The following SOHLH2 variants were observed in gnomAD, a reference collection of about 807,000 sequenced individuals.
The protein encoded by SOHLH2 is spermatogenesis- and oogenesis-specific basic helix-loop-helix-containing protein 2.
A neutral mutation model predicts 50.4 loss-of-function variants in SOHLH2; 22 were observed. The observed-to-expected ratio is 0.44, with a 90% CI of 0.31 to 0.62. The LOEUF (loss-of-function observed/expected upper bound fraction) is 0.62, where lower values mean the gene tolerates loss of function less well. Ranked by LOEUF, SOHLH2 falls within the 20% of genes least tolerant of loss-of-function variation. The pLI, the probability that SOHLH2 is intolerant of heterozygous loss-of-function variation, is 0.08. For synonymous variants in SOHLH2, 185 were observed against 187.3 expected (o/e 0.99, Z 0.10); for missense variants, 412 against 504.4 (o/e 0.82, Z 1.76).
chr13:36,196,101 TAGA>T (rs1887716879), intron 2 of SOHLH2, among the ~76,000 whole-genome samples: 1 of 70,486 alleles, frequency 1.4e-5, no homozygotes, highest in Non-Finnish European at 3.2e-5. Context: ...GACAGAAAGA[TAGA>T]TAGATAGATA....
At chr13:36,191,977 T>C in intron 4 of SOHLH2, 83 bp from the exon 5 acceptor site, 2 of 1,410,850 alleles carry the variant, frequency 1.4e-6, no homozygotes, top group African/African-American at 1.4e-5. Flanking sequence ...CCCCAATCCT[T>C]AATGCAGTTG....
chr13:36,205,229 T>C (rs937785564), intron 1 of SOHLH2, among the ~76,000 whole-genome samples: 11 of 152,182 alleles, frequency 7.2e-5, no homozygotes, highest in African/African-American at 2.7e-4. Flanking sequence ...AATTACACTT[T>C]TTTTCTCTAT....
At chr13:36,180,380 C>G (rs530580322) in intron 6 of SOHLH2, among the ~76,000 whole-genome samples, 3 of 152,160 alleles carry the variant, frequency 2.0e-5, no homozygotes, top group African/African-American at 7.2e-5. Flanking sequence ...AGGCCTTTTG[C>G]CTTATCTAAT....
chr13:36,169,213 T>C (rs1273653511), intron 10 of SOHLH2, among the ~76,000 whole-genome samples, 159 bp from the exon 11 acceptor site: 1 of 152,206 alleles, frequency 6.6e-6, no homozygotes, highest in African/African-American at 2.4e-5. Context: ...TAAATATATA[T>C]TCTTATTAAA....
intron 5 of SOHLH2, 44 bp from the exon 6 acceptor site, chr13:36,190,100 T>C (rs761723586): frequency 1.3e-6 from 2 of 1,553,400 alleles, no homozygotes; most frequent in Non-Finnish European, 8.7e-7. Context: ...AGGGGAAAAT[T>C]GTCGGGCAAA....
chr13:36,212,938 T>C (rs552669153), intron 1 of SOHLH2, among the ~76,000 whole-genome samples: 1 of 152,238 alleles, frequency 6.6e-6, no homozygotes, highest in Non-Finnish European at 1.5e-5. Flanking sequence ...AAACCCTTAA[T>C]TAGTAACAGC....
chr13:36,201,650 G>A (rs754798320), intron 2 of SOHLH2, among the ~76,000 whole-genome samples: 5 of 152,002 alleles, frequency 3.3e-5, no homozygotes, highest in African/African-American at 4.8e-5. Context: ...AAAATTTTTT[G>A]TAGAGACAGA....
intron 1 of SOHLH2, among the ~76,000 whole-genome samples, chr13:36,213,375 A>C (rs2138339336): frequency 6.6e-6 from 1 of 152,310 alleles, no homozygotes; most frequent in East Asian, 1.9e-4. Context: ...TCCACTTCAA[A>C]GTGATCCTAA....
At chr13:36,171,987 T>C (rs1450520948) in intron 9 of SOHLH2, among the ~76,000 whole-genome samples, 1 of 152,170 alleles carries the variant, frequency 6.6e-6, no homozygotes, top group Non-Finnish European at 1.5e-5. Context: ...GATTATCTTA[T>C]CCAGGTTAGT....
chr13:36,180,044 G>GT lies in SOHLH2; in HGVS notation c.642-5176dup, dbSNP rs1555243382. Among the ~76,000 whole-genome samples the GT allele has an allele frequency of 1.5e-4, 23 of 152,064 alleles. 1 individual carries two copies. Among genetic ancestry groups the GT allele is most frequent in the Non-Finnish European group, 5.9e-5 (4 of 68,012 alleles). ...ACCTGAGTGTTTTCTCTTTGGTAAG[G>GT]TTTTGATAACAAGTTCAATTTTGTT... On this transcript the variant is annotated intron_variant, in intron 6 of 10. Coordinates refer to ENST00000379881, the MANE Select transcript of SOHLH2 (RefSeq NM_017826.3).
chr13:36,212,072 A>T lies in SOHLH2; in HGVS notation c.48+2407T>A, dbSNP rs569270068. On this transcript the variant is annotated intron_variant, in intron 1 of 10. Transcript: ENST00000379881. ...AGAATCTCTCGGCCTTTTGGGGGGA[A>T]AAAAAGTCAAGAAAGAGTTATGAAG... is the stretch of plus-strand genomic sequence containing the variant. Among the ~76,000 whole-genome samples, 4 of 152,228 alleles carry T rather than the reference A, an allele frequency of 2.6e-5. No individual in the cohort carries two copies. In the South Asian group the frequency reaches 8.3e-4, roughly 32 times the overall value.
At chr13:36,213,468 C>T (rs1869238549) in intron 1 of SOHLH2, among the ~76,000 whole-genome samples, 1 of 152,116 alleles carries the variant, frequency 6.6e-6, no homozygotes, top group Non-Finnish European at 1.5e-5. Flanking sequence ...CTACACTCAG[C>T]ACAAAAGATT....
intron 1 of SOHLH2, among the ~76,000 whole-genome samples, chr13:36,213,144 G>C (rs1010799530): frequency 6.6e-6 from 1 of 152,144 alleles, no homozygotes; most frequent in African/African-American, 2.4e-5. Context: ...AACTGAGCAA[G>C]CGGCTTTTCT....
In SOHLH2 at chr13:36,208,567, C is replaced by T. The variant is rs1014366909; in HGVS notation, c.48+5912G>A. 2.0e-5 allele frequency among the ~76,000 whole-genome samples: 3 copies of T among 152,140 alleles called. No individual in the cohort carries two copies. The South Asian group carries it at 6.2e-4, about 31-fold the overall frequency. ...GCATCCTTAACATGCCTCCCTCCAC[C>T]CCATATACTTCCCAAACCATGACTA... On this transcript the variant is annotated intron_variant, in intron 1 of 10. Transcript: ENST00000379881.
intron 1 of SOHLH2, among the ~76,000 whole-genome samples, chr13:36,212,595 G>A (rs1386988441): frequency 1.3e-5 from 2 of 152,192 alleles, no homozygotes; most frequent in Non-Finnish European, 2.9e-5. Flanking sequence ...CCTGCAAGCA[G>A]TAATCTGAAC....
chr13:36,201,764 G>A, intron 2 of SOHLH2, 115 bp downstream of exon 2: 3 of 1,420,816 alleles, frequency 2.1e-6, no homozygotes, highest in Non-Finnish European at 2.8e-6. Flanking sequence ...GCCAATCCCT[G>A]GCCCCTCAAT....
At chr13:36,169,293 G>T (rs749457009) in intron 10 of SOHLH2, among the ~76,000 whole-genome samples, 70 of 152,188 alleles carry the variant, frequency 4.6e-4, no homozygotes, top group Middle Eastern at 3.4e-3. Flanking sequence ...ATTAAAAAAT[G>T]ATAATATTGT....
intron 1 of SOHLH2, among the ~76,000 whole-genome samples, chr13:36,210,674 C>T (rs1018176388): frequency 5.3e-5 from 8 of 152,134 alleles, no homozygotes; most frequent in Non-Finnish European, 1.0e-4. Context: ...GAGCCAATCT[C>T]CTTCACCTGC....
intron 6 of SOHLH2, among the ~76,000 whole-genome samples, chr13:36,180,481 A>C (rs1336667858): frequency 6.6e-6 from 1 of 152,076 alleles, no homozygotes; most frequent in Non-Finnish European, 1.5e-5. Flanking sequence ...TTTAAATTTA[A>C]AGTTCCAGGA....
Sources: gnomAD v4.1 joint callset for allele counts (sites outside exome capture counted in the v4.1 genomes callset) on GRCh38, gnomAD v4.1.1 for gene constraint, MANE v1.5 for transcripts, NCBI Gene and HGNC (gene_info 2026-07-23, HGNC 2026-07-21) for gene names.